Variants in HIC1 observed in about 807,000 individuals in gnomAD.
The protein encoded by HIC1 is hypermethylated in cancer 1 protein.
In HIC1, 9 loss-of-function variants were observed where a neutral mutation model predicts 26.4. The observed-to-expected ratio is 0.34, with a 90% CI of 0.21 to 0.59. The LOEUF (loss-of-function observed/expected upper bound fraction) is 0.59. Among genes scored for constraint, HIC1 ranks in the 20% least tolerant of loss-of-function variants. The pLI, the probability that HIC1 is intolerant of heterozygous loss-of-function variation, is 0.82. For synonymous variants in HIC1, 631 were observed against 523.1 expected, an observed-to-expected ratio of 1.21 and a Z score of -2.81; for missense variants, 965 against 1,075.7, an observed-to-expected ratio of 0.90 and a Z score of 1.44.
Position 2,060,982 on chromosome 17 carries a change from G to A in HIC1, c.*2147G>A, listed in dbSNP as rs1325515499. ...CATGGGCGAGTCCAGGCCTCAGGGA[G>A]ACTGGGGACACACACCCTGGGCACT... On this transcript the variant is annotated 3_prime_UTR_variant, in exon 2 of 2. Coordinates refer to ENST00000619757, the MANE Select transcript of HIC1 (RefSeq NM_006497.4). 5 of 155,190 alleles carry A rather than the reference G, an allele frequency of 3.2e-5. No homozygotes were observed. Among genetic ancestry groups the A allele is most frequent in the African/African-American group, 1.2e-4 (5 of 41,462 alleles). 9.6% of individuals were successfully genotyped at this position (155,190 alleles called of 1,614,324 possible). A position where few individuals can be genotyped will look rare whatever the true frequency, so the allele number is the denominator to read the frequency against.
In HIC1 at chr17:2,055,924, G is replaced by A. The variant is rs1365281406; in HGVS notation, c.-21+686G>A. Among the ~76,000 whole-genome samples the A allele has an allele frequency of 1.3e-5, 2 of 150,600 alleles. No individual in the cohort carries two copies. The highest frequency in any genetic ancestry group is 2.1e-4 in the South Asian group (1 of 4,826). ...AGGCCGAGGCCGGGACGCGGGTGGG[G>A]CGCAGGCCCGGGTCAGGGCCGCAGC... is the stretch of plus-strand genomic sequence containing the variant. On this transcript the variant is annotated intron_variant, in intron 1 of 1. Transcript: ENST00000619757. This position sits in a 1 kb window ranked among gnomAD's most constrained non-coding sequence, Gnocchi z 6.4.
At position 2,058,981 on chromosome 17, in the gene HIC1, C is replaced by G. The variant is rs1244748297; in HGVS notation, c.*146C>G. The G allele has an allele frequency of 1.5e-4, 102 of 677,650 alleles. No homozygotes were observed. The highest frequency in any genetic ancestry group is 2.2e-4 in the Non-Finnish European group (96 of 438,834). The allele number at this position is 677,650 out of a possible 1,614,324, so 42.0% of individuals were successfully genotyped here. ...CGGCTCCACCTCTCGGCGGCCTCACCTGGCCTCACTGCTTCGTGCCTTAGC... is the reference window on the plus strand; with the variant it reads ...CGGCTCCACCTCTCGGCGGCCTCACGTGGCCTCACTGCTTCGTGCCTTAGC... On this transcript the variant is annotated 3_prime_UTR_variant, in exon 2 of 2. Coordinates refer to ENST00000619757, the MANE Select transcript of HIC1 (RefSeq NM_006497.4).
Position 2,058,467 on chromosome 17 carries a change from A to G in HIC1, c.1777A>G (p.Met593Val). ...ACGCAACCTCATCAGCCACATGAAG[A>G]TGCACGCCGTGGGGGGCGCGGCCGG... is the stretch of plus-strand genomic sequence containing the variant. The part of the protein sequence containing the change: ...QQRNLISHMK[M>V]HAVGGAAGAA... Residue 593 changes from methionine to valine, a missense_variant, in exon 2 of 2, where the codon ATG (methionine) becomes GTG (valine). This residue lies in a region of HIC1 where 210 missense variants were observed against 179.2 expected (regional missense o/e 1.17). Coordinates refer to ENST00000619757, the MANE Select transcript of HIC1 (RefSeq NM_006497.4). 6.5e-7 allele frequency: 1 copy of G among 1,549,592 alleles called. No homozygotes were observed. Among genetic ancestry groups the G allele is most frequent in the Non-Finnish European group, 8.7e-7 (1 of 1,154,184 alleles).
Position 2,057,508 on chromosome 17 carries a change from T to A in HIC1, c.818T>A (p.Leu273Gln). ...CTCGCCCTGCCGTCGCTGCCGCCGCTGCCCTTCCAGAAGCTGGAGGAGGCC... is the reference window on the plus strand; with the variant it reads ...CTCGCCCTGCCGTCGCTGCCGCCGCAGCCCTTCCAGAAGCTGGAGGAGGCC... ...PPLALPSLPP[L>Q]PFQKLEEAAP... Residue 273 changes from leucine (L) to glutamine (Q), a missense_variant, in exon 2 of 2, where the codon CTG (leucine) becomes CAG (glutamine). Coordinates refer to ENST00000619757, the MANE Select transcript of HIC1 (RefSeq NM_006497.4). 6.7e-7 allele frequency: 1 copy of A among 1,489,908 alleles called. No individual in the cohort carries two copies. The highest frequency in any genetic ancestry group is 8.9e-7 in the Non-Finnish European group (1 of 1,125,860). The allele number at this position is 1,489,908 out of a possible 1,614,324, so 92.3% of individuals were successfully genotyped here. A position where few individuals can be genotyped will look rare whatever the true frequency, so the allele number is the denominator to read the frequency against.
chr17:2,057,423 C>G lies in HIC1; in HGVS notation c.733C>G (p.Leu245Val). 1.4e-6 allele frequency: 2 copies of G among 1,436,920 alleles called. No individual in the cohort carries two copies. Among genetic ancestry groups the G allele is most frequent in the Non-Finnish European group, 1.8e-6 (2 of 1,102,938 alleles). 89.0% of individuals were successfully genotyped at this position (1,436,920 alleles called of 1,614,324 possible). A position where few individuals can be genotyped will look rare whatever the true frequency, so the allele number is the denominator to read the frequency against. Reference protein sequence around the residue: ...APERPLAERELPPRPDSPPSA... With the variant: ...APERPLAEREVPPRPDSPPSA... ...AGAGCGGCCGCTGGCTGAGCGCGAG[C>G]TGCCCCCGCGCCCGGACAGCCCTCC... is the stretch of plus-strand genomic sequence containing the variant. Residue 245 changes from leucine to valine, a missense_variant, in exon 2 of 2, where the codon CTG (leucine) becomes GTG (valine). Leu to Val is a conservative substitution (Grantham distance 32). Transcript: ENST00000619757.
At position 2,057,034 on chromosome 17, in the gene HIC1, G is replaced by A; in HGVS notation, c.344G>A (p.Ser115Asn). Reference sequence around the variant, plus strand: ...CTGGGCGCCGTGCTGGCCGCCGCCAGCTACCTGCAGATCCCCGACCTCGTG... The same window carrying A: ...CTGGGCGCCGTGCTGGCCGCCGCCAACTACCTGCAGATCCCCGACCTCGTG... Reference protein sequence around the residue: ...PSLGAVLAAASYLQIPDLVAL... With the variant: ...PSLGAVLAAANYLQIPDLVAL... Residue 115 changes from serine to asparagine, a missense_variant, in exon 2 of 2, where the codon AGC (serine) becomes AAC (asparagine). By Grantham distance (46) the Ser-to-Asn change is conservative (BLOSUM62 1). Around this residue, in one of 6 missense-constraint regions of HIC1, gnomAD observed 526 missense variants for 525.0 expected, o/e 1.00. Coordinates refer to ENST00000619757, the MANE Select transcript of HIC1 (RefSeq NM_006497.4). 2.7e-6 allele frequency: 4 copies of A among 1,490,378 alleles called. No homozygotes were observed. The highest frequency in any genetic ancestry group is 3.6e-6 in the Non-Finnish European group (4 of 1,125,238). The allele number at this position is 1,490,378 out of a possible 1,614,324, so 92.3% of individuals were successfully genotyped here.
Position 2,058,829 on chromosome 17 carries a change from C to A in HIC1, c.2139C>A (p.Pro713=). 6.8e-7 allele frequency: 1 copy of A among 1,464,238 alleles called. No homozygotes were observed. The highest frequency in any genetic ancestry group is 9.0e-7 in the Non-Finnish European group (1 of 1,113,374). The allele number at this position is 1,464,238 out of a possible 1,614,324, so 90.7% of individuals were successfully genotyped here. A position where few individuals can be genotyped will look rare whatever the true frequency, so the allele number is the denominator to read the frequency against. ...PDGRTIDRFS[P]T The stretch of plus-strand genomic sequence containing the variant: ...GCCGGACCATCGACCGTTTCTCTCC[C>A]ACCTAGAGCGCCCCTCGCCAGCCCG... Residue 713 remains proline, a synonymous_variant, in exon 2 of 2, where the codon CCC becomes CCA. Transcript: ENST00000619757.
rs941823766 is a variant in HIC1 at position 2,057,182 on chromosome 17, G to T, written c.492G>T (p.Pro164=). Residue 164 remains proline (P), a synonymous_variant, in exon 2 of 2, where the codon CCG becomes CCT. Coordinates refer to ENST00000619757, the MANE Select transcript of HIC1 (RefSeq NM_006497.4). ...GCCGGGGCCTGCGGGCCGCCACGCC[G>T]GTCATCCAGGCCTGCTACCCGTCCC... ...RPGRGLRAAT[P]VIQACYPSPV... 4.6e-5 allele frequency: 62 copies of T among 1,339,128 alleles called. No homozygotes were observed. Among genetic ancestry groups the T allele is most frequent in the Non-Finnish European group, 5.6e-5 (59 of 1,050,116 alleles). 83.0% of individuals were successfully genotyped at this position (1,339,128 alleles called of 1,614,324 possible).
Position 2,062,520 on chromosome 17 carries a change from C to T in HIC1, c.*3685C>T, listed in dbSNP as rs1263951375. ...AGATGACTTTTTTTTTTTTTAAGCA[C>T]AGTCTCTCCACTACCTCTCTTTCCC... On this transcript the variant is annotated 3_prime_UTR_variant, in exon 2 of 2. Transcript: ENST00000619757. The T allele has an allele frequency of 6.7e-6, 1 of 148,924 alleles. No individual in the cohort carries two copies. The highest frequency in any genetic ancestry group is 1.5e-5 in the Non-Finnish European group (1 of 67,554). The allele number at this position is 148,924 out of a possible 1,614,324, so 9.2% of individuals were successfully genotyped here.
In HIC1 at chr17:2,058,601, G is replaced by C; in HGVS notation, c.1911G>C (p.Thr637=). 6.4e-7 allele frequency: 1 copy of C among 1,550,834 alleles called. No individual in the cohort carries two copies. The highest frequency in any genetic ancestry group is 1.2e-5 in the South Asian group (1 of 84,220). Residue 637 remains threonine (T), a synonymous_variant, in exon 2 of 2, where the codon ACG becomes ACC. Transcript: ENST00000619757. ...PEGVFAVARL[T]AEQLSLKQQD... is the part of the protein sequence containing the mutation. ...GCGTCTTTGCTGTGGCTCGCCTCACGGCCGAGCAGCTGAGCCTGAAGCAGC... is the reference window on the plus strand; with the variant it reads ...GCGTCTTTGCTGTGGCTCGCCTCACCGCCGAGCAGCTGAGCCTGAAGCAGC...
Position 2,058,019 on chromosome 17 carries a change from G to A in HIC1, c.1329G>A (p.Glu443=). Residue 443 remains glutamate (E), a synonymous_variant, in exon 2 of 2, where the codon GAG becomes GAA. Transcript: ENST00000619757. ...LNAHVEAHVE[E]EEALYGRAEA... The stretch of plus-strand genomic sequence containing the variant: ...CGCACGTGGAGGCTCACGTGGAGGA[G>A]GAGGAAGCGCTGTACGGCAGGGCCG... 4 of 1,600,576 alleles carry A rather than the reference G, an allele frequency of 2.5e-6. No individual in the cohort carries two copies. Among genetic ancestry groups the A allele is most frequent in the Non-Finnish European group, 3.4e-6 (4 of 1,174,320 alleles).
Position 2,058,519 on chromosome 17 carries a change from G to A in HIC1, c.1829G>A (p.Gly610Glu), listed in dbSNP as rs1390853458. 3.3e-6 allele frequency: 5 copies of A among 1,498,510 alleles called. No homozygotes were observed. Among genetic ancestry groups the A allele is most frequent in the Non-Finnish European group, 4.4e-6 (5 of 1,129,540 alleles). 92.8% of individuals were successfully genotyped at this position (1,498,510 alleles called of 1,614,324 possible). ...GCGGCCGGGGCGCTGGCGGGCTTGG[G>A]GGGGCTCCCCGGCGTCCCCGGCCCC... ...AGAAGALAGLGGLPGVPGPDG... is the reference protein window; with the variant it reads ...AGAAGALAGLEGLPGVPGPDG... The change falls in exon 2 of 2, where the codon GGG becomes GAG. Residue 610 changes from glycine to glutamate, a missense_variant. Coordinates refer to ENST00000619757, the MANE Select transcript of HIC1 (RefSeq NM_006497.4).
rs1597303889 is a variant in HIC1 at position 2,058,490 on chromosome 17, C to T, written c.1800C>T (p.Ala600=). The change falls in exon 2 of 2, where the codon GCC becomes GCT. Residue 600 remains alanine, a synonymous_variant. Coordinates refer to ENST00000619757, the MANE Select transcript of HIC1 (RefSeq NM_006497.4). ...HMKMHAVGGA[A]GAAGALAGLG... Reference sequence around the variant, plus strand: ...AGATGCACGCCGTGGGGGGCGCGGCCGGCGCGGCCGGGGCGCTGGCGGGCT... The same window carrying T: ...AGATGCACGCCGTGGGGGGCGCGGCTGGCGCGGCCGGGGCGCTGGCGGGCT... The T allele has an allele frequency of 1.4e-6, 2 of 1,480,242 alleles. No individual in the cohort carries two copies. Among genetic ancestry groups the T allele is most frequent in the Non-Finnish European group, 1.8e-6 (2 of 1,125,336 alleles). The allele number at this position is 1,480,242 out of a possible 1,614,324, so 91.7% of individuals were successfully genotyped here. A position where few individuals can be genotyped will look rare whatever the true frequency, so the allele number is the denominator to read the frequency against.
In HIC1 at chr17:2,057,550, C is replaced by T; in HGVS notation, c.860C>T (p.Pro287Leu). ...GAGGAGGCCGCACCGCCTTCCGACC[C>T]ATTTCGCGGCGGCAGCGGCAGCCCG... ...KLEEAAPPSD[P>L]FRGGSGSPGP... The change falls in exon 2 of 2, where the codon CCA (proline) becomes CTA (leucine). Residue 287 changes from proline (P) to leucine (L), a missense_variant. Physicochemically the swap from Pro to Leu is moderately conservative, Grantham distance 98. This residue lies in a region of HIC1 where 526 missense variants were observed against 525.0 expected (regional missense o/e 1.00). Transcript: ENST00000619757. 2.0e-6 allele frequency: 3 copies of T among 1,500,086 alleles called. No homozygotes were observed. The highest frequency in any genetic ancestry group is 2.7e-6 in the Non-Finnish European group (3 of 1,130,098). 92.9% of individuals were successfully genotyped at this position (1,500,086 alleles called of 1,614,324 possible).
rs778769452 is a variant in HIC1 at position 2,057,342 on chromosome 17, T to G, written c.652T>G (p.Ser218Ala). ...AALCASERRC[S>A]PLCGLDLSKK... ...ACTCTGTGCCTCGGAGCGCCGCTGC[T>G]CCCCTCTTTGTGGCCTGGACCTGTC... The change falls in exon 2 of 2, where the codon TCC (serine) becomes GCC (alanine). Residue 218 changes from serine (S) to alanine (A), a missense_variant. Physicochemically the swap from Ser to Ala is moderately conservative, Grantham distance 99. Around this residue, in one of 6 missense-constraint regions of HIC1, gnomAD observed 526 missense variants for 525.0 expected, o/e 1.00. Transcript: ENST00000619757. 1.8e-5 allele frequency: 27 copies of G among 1,498,248 alleles called. No homozygotes were observed. Among genetic ancestry groups the G allele is most frequent in the Non-Finnish European group, 2.3e-5 (26 of 1,132,596 alleles). 92.8% of individuals were successfully genotyped at this position (1,498,248 alleles called of 1,614,324 possible). A position where few individuals can be genotyped will look rare whatever the true frequency, so the allele number is the denominator to read the frequency against.
At chr17:2,056,327 G>A (rs1178247251) in intron 1 of HIC1, 5 of 1,613,576 alleles carry the variant, frequency 3.1e-6, no homozygotes, top group African/African-American at 2.7e-5. Context: ...TTCCTGAAGC[G>A]GACATTTTAC....
chr17:2,061,497 C>T lies in HIC1; in HGVS notation c.*2662C>T. 6.4e-7 allele frequency: 1 copy of T among 1,571,442 alleles called. No individual in the cohort carries two copies. The highest frequency in any genetic ancestry group is 8.6e-7 in the Non-Finnish European group (1 of 1,159,622). On this transcript the variant is annotated 3_prime_UTR_variant, in exon 2 of 2. Coordinates refer to ENST00000619757, the MANE Select transcript of HIC1 (RefSeq NM_006497.4). ...GGGGCCCCAGTGTGGCTCCCTCAGC[C>T]CACCTGGGCCCACGTGAGGAAGGCT...
At chr17:2,056,608 G>A in intron 1 of HIC1, 63 bp from the exon 2 acceptor site, 4 of 1,467,050 alleles carry the variant, frequency 2.7e-6, no homozygotes, top group South Asian at 1.4e-5. Context: ...GAGAAGTGCC[G>A]GGCTGGGGCC....
Position 2,057,795 on chromosome 17 carries a change from G to A in HIC1, c.1105G>A (p.Gly369Ser). The change falls in exon 2 of 2, where the codon GGC (glycine) becomes AGC (serine). Residue 369 changes from glycine (G) to serine (S), a missense_variant. Gly to Ser is a moderately conservative substitution (Grantham distance 56). Transcript: ENST00000619757. The stretch of plus-strand genomic sequence containing the variant: ...CTACCCTGGCAGCCTGGACGGGCCC[G>A]GCGCGGGCGGCGACGGCGACGACTA... The part of the protein sequence containing the change: ...PRYPGSLDGP[G>S]AGGDGDDYKS... 3 of 1,536,924 alleles carry A rather than the reference G, an allele frequency of 2.0e-6. No individual in the cohort carries two copies. The highest frequency in any genetic ancestry group is 2.6e-6 in the Non-Finnish European group (3 of 1,146,228).
Sources: allele counts gnomAD v4.1 joint callset (sites outside exome capture counted in the v4.1 genomes callset), GRCh38; gene constraint gnomAD v4.1.1; regional missense constraint gnomAD v4.1.1; non-coding constraint Gnocchi (gnomAD v3.1); transcripts MANE v1.5; gene names NCBI Gene and HGNC (gene_info 2026-07-23, HGNC 2026-07-21).